Variants in ZNF385D observed in about 807,000 individuals in gnomAD.
ZNF385D encodes zinc finger protein 385D, also known as zinc finger protein 659.
ZNF385D carries 15 observed loss-of-function variants against 35.8 expected under a neutral mutation model. That is an observed-to-expected ratio of 0.42 (90% CI 0.28 to 0.64). The LOEUF is 0.64. ZNF385D is among the 30% of genes least tolerant of loss of function. The pLI is 0.23. For missense variants in ZNF385D, 474 were observed against 494.6 expected, an observed-to-expected ratio of 0.96 and a Z score of 0.39; for synonymous variants, 212 against 186.8, an observed-to-expected ratio of 1.13 and a Z score of -1.10.
intron 2 of ZNF385D, among the ~76,000 whole-genome samples, chr3:22,175,015 T>C (rs1398788776): frequency 2.0e-5 from 3 of 151,944 alleles, no homozygotes; most frequent in Admixed American, 6.6e-5. Flanking sequence ...ATAGAGTCTC[T>C]TATAAAGAGT....
chr3:22,049,471 A>G (rs1012060717), intron 3 of ZNF385D, among the ~76,000 whole-genome samples: 24 of 152,146 alleles, frequency 1.6e-4, no homozygotes, highest in African/African-American at 5.5e-4. Flanking sequence ...AAGTGTACCC[A>G]TGTCCTCCAC....
At chr3:21,765,658 A>G (rs868588458) in intron 3 of ZNF385D, among the ~76,000 whole-genome samples, 1 of 150,542 alleles carries the variant, frequency 6.6e-6, no homozygotes, top group South Asian at 2.1e-4. Flanking sequence ...AAAAAATAGA[A>G]AGAGGAAGAA....
Position 22,290,271 on chromosome 3 carries a change from T to C in ZNF385D, c.106+82179A>G, listed in dbSNP as rs553364302. Reference sequence around the variant, plus strand: ...ATTTGTGCCTGAATGTGCCTCAGCTTTACTAACCTATTCAATATGAATGCT... The same window carrying C: ...ATTTGTGCCTGAATGTGCCTCAGCTCTACTAACCTATTCAATATGAATGCT... On this transcript the variant is annotated intron_variant, in intron 2 of 5. Transcript: ENST00000494108. 3.7e-4 allele frequency among the ~76,000 whole-genome samples: 57 copies of C among 152,202 alleles called. No individual in the cohort carries two copies. The South Asian group carries it at 0.012, about 31-fold the overall frequency.
intron 2 of ZNF385D, among the ~76,000 whole-genome samples, chr3:21,657,715 TTCTCCCTTGCTGCTTACC>T (rs1559494925): frequency 2.6e-5 from 4 of 152,034 alleles, no homozygotes; most frequent in Admixed American, 1.3e-4. Context: ...TACTTAAAAT[TTCTCCCTTGCTGCTTACC>T]TATTTTAGTG....
At position 21,415,768 on chromosome 3, in the gene ZNF385D, C is replaced by G. The variant is rs1319504361; in HGVS notation, c.*5446G>C. ...CCCCATTATCGGCTGTCTTAGTTAA[C>G]CAAACTCTAAGATACTCTACCTGAT... On this transcript the variant is annotated 3_prime_UTR_variant, in exon 8 of 8. Coordinates refer to ENST00000281523, the MANE Select transcript of ZNF385D (RefSeq NM_024697.3). The G allele has an allele frequency of 6.6e-6, 1 of 152,034 alleles. No individual in the cohort carries two copies. Among genetic ancestry groups the G allele is most frequent in the African/African-American group, 2.4e-5 (1 of 41,402 alleles). 9.4% of individuals were successfully genotyped at this position (152,034 alleles called of 1,614,324 possible).
At chr3:22,350,290 T>A (rs1271950183) in intron 2 of ZNF385D, among the ~76,000 whole-genome samples, 1 of 152,176 alleles carries the variant, frequency 6.6e-6, no homozygotes. Context: ...TAATATTTTT[T>A]AAAAGGAAAA....
intron 3 of ZNF385D, among the ~76,000 whole-genome samples, chr3:21,981,448 A>G (rs1694444848): frequency 6.6e-6 from 1 of 152,072 alleles, no homozygotes; most frequent in African/African-American, 2.4e-5. Context: ...TAAGTTCCTT[A>G]TAGATGCTGG....
At chr3:21,610,005 T>C (rs1217172939) in intron 2 of ZNF385D, among the ~76,000 whole-genome samples, 1 of 152,180 alleles carries the variant, frequency 6.6e-6, no homozygotes, top group Non-Finnish European at 1.5e-5. Flanking sequence ...AGCCAACTTG[T>C]ATTTCTGTCA....
At chr3:21,470,896 C>T (rs541710436) in intron 4 of ZNF385D, among the ~76,000 whole-genome samples, 44 of 152,218 alleles carry the variant, frequency 2.9e-4, no homozygotes, top group Admixed American at 5.9e-4. Flanking sequence ...GGAAGGTTTG[C>T]TACTGCATTT....
chr3:21,674,187 T>C (rs1243229872), intron 1 of ZNF385D, among the ~76,000 whole-genome samples: 3 of 152,076 alleles, frequency 2.0e-5, no homozygotes, highest in African/African-American at 4.8e-5. Flanking sequence ...AAGATGGTAA[T>C]GTCTGATAGA....
intron 6 of ZNF385D, among the ~76,000 whole-genome samples, chr3:21,424,727 G>C (rs1296476621): frequency 5.8e-5 from 8 of 138,220 alleles, no homozygotes; most frequent in African/African-American, 2.2e-4. Flanking sequence ...ACAAAGGGAA[G>C]GAATGTCTAA....
intron 3 of ZNF385D, among the ~76,000 whole-genome samples, chr3:22,143,880 A>T (rs976052401): frequency 1.3e-5 from 2 of 152,214 alleles, no homozygotes; most frequent in African/African-American, 4.8e-5. Flanking sequence ...TGTCATTAAC[A>T]TCATACACAC....
chr3:22,313,973 A>C (rs981651960), intron 2 of ZNF385D, among the ~76,000 whole-genome samples: 2 of 152,116 alleles, frequency 1.3e-5, no homozygotes, highest in East Asian at 1.9e-4. Context: ...GCTCTGCATA[A>C]GTTCTGATCT....
In ZNF385D at chr3:22,062,803, G is replaced by A. The variant is rs187349786; in HGVS notation, c.325+106014C>T. ...GAAGATGCCAGCTGCCATGCAGTGAGGACATACACACAGCCATATGGAAAT... is the reference window on the plus strand; with the variant it reads ...GAAGATGCCAGCTGCCATGCAGTGAAGACATACACACAGCCATATGGAAAT... On this transcript the variant is annotated intron_variant, in intron 3 of 5. Coordinates refer to the ZNF385D transcript ENST00000494108. Among the ~76,000 whole-genome samples the A allele has an allele frequency of 2.6e-5, 4 of 152,250 alleles. No individual in the cohort carries two copies. The East Asian group carries it at 5.8e-4, about 22-fold the overall frequency.
rs370727540 is a variant in ZNF385D at position 22,251,274 on chromosome 3, C to T, written c.107-82239G>A. ...ACATAGGTGTCTACTGTAACTTCTT[C>T]CCTCAACAATTTAAGATGATGTTTT... On this transcript the variant is annotated intron_variant, in intron 2 of 5. Coordinates refer to the ZNF385D transcript ENST00000494108. 3.9e-5 allele frequency among the ~76,000 whole-genome samples: 6 copies of T among 152,232 alleles called. No homozygotes were observed. The East Asian group carries it at 1.2e-3, about 29-fold the overall frequency.
At chr3:21,819,579 C>T (rs557853149) in intron 3 of ZNF385D, among the ~76,000 whole-genome samples, 1 of 148,296 alleles carries the variant, frequency 6.7e-6, no homozygotes, top group African/African-American at 2.5e-5. Context: ...ATTATATGTA[C>T]ACATATGTGC....
intron 2 of ZNF385D, among the ~76,000 whole-genome samples, chr3:21,631,073 G>T (rs994036642): frequency 6.6e-6 from 1 of 152,110 alleles, no homozygotes; most frequent in Non-Finnish European, 1.5e-5. Context: ...TTGTACTAAG[G>T]ATTTGGAACA....
chr3:22,007,313 A>G (rs922528755), intron 3 of ZNF385D, among the ~76,000 whole-genome samples: 9 of 152,242 alleles, frequency 5.9e-5, no homozygotes, highest in Non-Finnish European at 1.2e-4. Context: ...AAGTGTTCAT[A>G]AAGATCTCAT....
intron 1 of ZNF385D, among the ~76,000 whole-genome samples, chr3:21,689,394 C>T (rs940698294): frequency 6.6e-6 from 1 of 152,080 alleles, no homozygotes; most frequent in East Asian, 1.9e-4. Flanking sequence ...TGGCTCAAAA[C>T]GACCCACTTC....
Sources: allele counts gnomAD v4.1 joint callset (sites outside exome capture counted in the v4.1 genomes callset), GRCh38; gene constraint gnomAD v4.1.1; transcripts MANE v1.5; gene names NCBI Gene and HGNC (gene_info 2026-07-23, HGNC 2026-07-21).